Variants in MDGA2 observed in about 807,000 individuals in gnomAD.
The protein encoded by MDGA2 is MAM domain-containing glycosylphosphatidylinositol anchor protein 2.
MDGA2 carries 40 observed loss-of-function variants against 117.8 expected under a neutral mutation model. The ratio of observed to expected loss-of-function variants is 0.34; its 90% CI spans 0.26 to 0.44. The LOEUF (loss-of-function observed/expected upper bound fraction) is 0.44. Among genes scored for constraint, MDGA2 ranks in the 20% least tolerant of loss-of-function variants. MDGA2 has a pLI of 1.00. For synonymous variants in MDGA2, 452 were observed against 439.0 expected (o/e 1.03, Z -0.37); for missense variants, 1,123 against 1,250.6 (o/e 0.90, Z 1.54).
intron 1 of MDGA2, among the ~76,000 whole-genome samples, chr14:47,490,465 C>A (rs993415141): frequency 1.3e-5 from 2 of 152,060 alleles, no homozygotes; most frequent in African/African-American, 4.8e-5. Flanking sequence ...CTAACAGCAT[C>A]ATTTAATAAC....
intron 2 of MDGA2, among the ~76,000 whole-genome samples, chr14:47,295,755 T>G (rs933300866): frequency 1.3e-5 from 2 of 151,756 alleles, no homozygotes; most frequent in African/African-American, 4.8e-5. Context: ...AATACAAAAA[T>G]TATTAGGGGG....
At chr14:47,370,670 T>C (rs1055688997) in intron 1 of MDGA2, among the ~76,000 whole-genome samples, 2 of 151,362 alleles carry the variant, frequency 1.3e-5, no homozygotes, top group Non-Finnish European at 3.0e-5. Flanking sequence ...TTAAACTTCC[T>C]TCTAGCACAG....
chr14:47,417,562 A>C (rs900200882), intron 1 of MDGA2, among the ~76,000 whole-genome samples: 1 of 152,112 alleles, frequency 6.6e-6, no homozygotes, highest in African/African-American at 2.4e-5. Flanking sequence ...CTCTAACCAG[A>C]ATCACCCTGA....
intron 1 of MDGA2, among the ~76,000 whole-genome samples, chr14:47,469,532 T>C (rs1305982208): frequency 1.3e-5 from 2 of 152,122 alleles, no homozygotes; most frequent in African/African-American, 4.8e-5. Context: ...ATGTGCCACA[T>C]TTTCTTAATC....
rs180971188 is a variant in MDGA2 at position 47,604,093 on chromosome 14, G to T, written c.280+70424C>A. Reference sequence around the variant, plus strand: ...TTTCTTTATAAATTACCTGGTCACAGGTATTACTTTATAGCAATATGAAAA... The same window carrying T: ...TTTCTTTATAAATTACCTGGTCACATGTATTACTTTATAGCAATATGAAAA... On this transcript the variant is annotated intron_variant, in intron 1 of 16. Coordinates refer to ENST00000399232, the MANE Select transcript of MDGA2 (RefSeq NM_001113498.3). Among the ~76,000 whole-genome samples the T allele has an allele frequency of 3.8e-3, 576 of 152,188 alleles. 4 individuals are homozygous for T. Among genetic ancestry groups the T allele is most frequent in the African/African-American group, 0.013 (545 of 41,516 alleles).
At chr14:47,441,318 G>A (rs1893006874) in intron 1 of MDGA2, among the ~76,000 whole-genome samples, 2 of 152,104 alleles carry the variant, frequency 1.3e-5, no homozygotes, top group Admixed American at 1.3e-4. Flanking sequence ...GCCGGACAGG[G>A]AGCAGGCAGA....
At chr14:47,018,761 A>AAAAAAAAAAAAAT in intron 8 of MDGA2, among the ~76,000 whole-genome samples, 1 of 136,884 alleles carries the variant, frequency 7.3e-6, no homozygotes, top group Non-Finnish European at 1.6e-5. Context: ...AAAAAAAAAA[A>AAAAAAAAAAAAAT]AGTCTCCATT....
chr14:47,556,210 T>A (rs896932794), intron 1 of MDGA2, among the ~76,000 whole-genome samples: 1 of 152,148 alleles, frequency 6.6e-6, no homozygotes, highest in Admixed American at 6.5e-5. Context: ...TAGCACAGCT[T>A]ATAGGACTCT....
At chr14:47,588,885 G>A (rs1896383060) in intron 1 of MDGA2, among the ~76,000 whole-genome samples, 1 of 151,896 alleles carries the variant, frequency 6.6e-6, no homozygotes, top group African/African-American at 2.4e-5. Context: ...ACTTCTGGAG[G>A]CTCTAGGAAA....
At chr14:47,383,561 C>G (rs1416462755) in intron 1 of MDGA2, among the ~76,000 whole-genome samples, 1 of 151,952 alleles carries the variant, frequency 6.6e-6, no homozygotes, top group Admixed American at 6.6e-5. Flanking sequence ...TTTTTCGAGA[C>G]AGGGTCTCAC....
At chr14:47,587,786 G>A (rs566459339) in intron 1 of MDGA2, among the ~76,000 whole-genome samples, 3 of 151,680 alleles carry the variant, frequency 2.0e-5, no homozygotes, top group Non-Finnish European at 4.4e-5. Context: ...TAGTATATTC[G>A]CAGAATTCTG....
At chr14:46,959,049 T>C (rs1277519015) in intron 8 of MDGA2, among the ~76,000 whole-genome samples, 3 of 152,178 alleles carry the variant, frequency 2.0e-5, no homozygotes. Flanking sequence ...CATAAGAGTA[T>C]GTTAAACTCC....
Position 47,073,233 on chromosome 14 carries a change from T to C in MDGA2, c.1196-11655A>G, listed in dbSNP as rs139686278. ...TCATAATTTAAGGGTAAGCGATTAA[T>C]AGCCTATTAAGTTTTTGGTGAGTGG... On this transcript the variant is annotated intron_variant, in intron 6 of 16. Coordinates refer to ENST00000399232, the MANE Select transcript of MDGA2 (RefSeq NM_001113498.3). 2.5e-4 allele frequency among the ~76,000 whole-genome samples: 38 copies of C among 152,330 alleles called. No homozygotes were observed. The East Asian group carries it at 7.3e-3, about 29-fold the overall frequency.
intron 1 of MDGA2, among the ~76,000 whole-genome samples, chr14:47,413,417 G>C (rs1305805437): frequency 6.6e-6 from 1 of 152,128 alleles, no homozygotes. Flanking sequence ...GGGAAGGGCA[G>C]TGGGAAAGAA....
chr14:47,661,746 C>CTTTTTT (rs1172717995), intron 1 of MDGA2, among the ~76,000 whole-genome samples: 28 of 97,196 alleles, frequency 2.9e-4, no homozygotes, highest in Admixed American at 6.7e-4. Flanking sequence ...ATCAGAGTTT[C>CTTTTTT]TTTTTTTTTT....
At chr14:47,236,343 A>G (rs978344468) in intron 2 of MDGA2, among the ~76,000 whole-genome samples, 4 of 151,700 alleles carry the variant, frequency 2.6e-5, no homozygotes, top group Non-Finnish European at 4.4e-5. Flanking sequence ...GAGTGTTATT[A>G]CAAGATACTT....
intron 1 of MDGA2, among the ~76,000 whole-genome samples, chr14:47,461,448 A>G (rs1006731022): frequency 2.0e-5 from 3 of 152,280 alleles, no homozygotes; most frequent in African/African-American, 7.2e-5. Context: ...ACCTAGAAAT[A>G]ACAACGAAGA....
At chr14:47,287,057 ATTC>A (rs1338318060) in intron 2 of MDGA2, among the ~76,000 whole-genome samples, 4 of 151,980 alleles carry the variant, frequency 2.6e-5, no homozygotes, top group Non-Finnish European at 5.9e-5. Flanking sequence ...TACTGTAACT[ATTC>A]TTATGTTACA....
chr14:47,421,413 GT>G (rs1226461434), intron 1 of MDGA2, among the ~76,000 whole-genome samples: 1 of 152,146 alleles, frequency 6.6e-6, no homozygotes, highest in African/African-American at 2.4e-5. Flanking sequence ...GAACACTATG[GT>G]TCATGTTTTC....
Sources: gnomAD v4.1 joint callset for allele counts (sites outside exome capture counted in the v4.1 genomes callset) on GRCh38, gnomAD v4.1.1 for gene constraint, MANE v1.5 for transcripts, NCBI Gene and HGNC (gene_info 2026-07-23, HGNC 2026-07-21) for gene names.